The following NRDC variants were observed in gnomAD, a reference collection of about 807,000 sequenced individuals.
NRDC encodes nardilysin convertase, also known as nardilysin.
Under a neutral mutation model 147.1 loss-of-function variants are expected in NRDC, and 54 were observed. The observed-to-expected ratio is 0.37, with a 90% CI of 0.29 to 0.46. The LOEUF (loss-of-function observed/expected upper bound fraction) is 0.46. Ranked by LOEUF, NRDC falls within the 20% of genes least tolerant of loss-of-function variation. The probability of loss-of-function intolerance (pLI) is 1.00; values close to 1 mark genes in which losing one functional copy is unlikely to be tolerated. For synonymous variants in NRDC, 440 were observed against 482.1 expected, an observed-to-expected ratio of 0.91 and a Z score of 1.14; for missense variants, 1,082 against 1,370.6, an observed-to-expected ratio of 0.79 and a Z score of 3.33.
chr1:51,874,510 G>T (rs1306456088), intron 1 of NRDC, among the ~76,000 whole-genome samples: 1 of 152,100 alleles, frequency 6.6e-6, no homozygotes, highest in African/African-American at 2.4e-5. Flanking sequence ...TGGAGAGCCT[G>T]AGGTGGAAGG....
chr1:51,846,116 ATT>A (rs57405511), intron 1 of NRDC, among the ~76,000 whole-genome samples: 3 of 146,596 alleles, frequency 2.0e-5, no homozygotes, highest in African/African-American at 7.5e-5. Flanking sequence ...ACACTTTATA[ATT>A]TTTTTTTTTT....
intron 1 of NRDC, among the ~76,000 whole-genome samples, chr1:51,877,023 C>A (rs1683362506): frequency 6.6e-6 from 1 of 152,036 alleles, no homozygotes; most frequent in African/African-American, 2.4e-5. Context: ...CCCGTCTCCA[C>A]TAAAAATACA....
chr1:51,819,921 T>C, intron 8 of NRDC, 48 bp from the exon 9 acceptor site: 3 of 1,374,906 alleles, frequency 2.2e-6, no homozygotes, highest in Non-Finnish European at 2.1e-6. Flanking sequence ...AAAGCCTTTA[T>C]AAGCAATATC....
chr1:51,830,253 G>A (rs966252655), intron 4 of NRDC, among the ~76,000 whole-genome samples: 1 of 152,108 alleles, frequency 6.6e-6, no homozygotes, highest in Admixed American at 6.5e-5. Flanking sequence ...ATGAGCCACT[G>A]CGTCTGGCCT....
chr1:51,861,151 C>T (rs530810351), intron 1 of NRDC, among the ~76,000 whole-genome samples: 9 of 151,650 alleles, frequency 5.9e-5, no homozygotes, highest in Admixed American at 3.9e-4. Context: ...GGTTTCACCA[C>T]GTTGGCCAGG....
In NRDC at chr1:51,794,464, C is replaced by G; in HGVS notation, c.2775+8G>C. The G allele has an allele frequency of 6.2e-7, 1 of 1,613,948 alleles. No homozygotes were observed. Among genetic ancestry groups the G allele is most frequent in the South Asian group, 1.1e-5 (1 of 91,054 alleles). ...GCCTTCCGCCAGTCTTTAGTACACC[C>G]AACTGACCTGGTAGTACACAGTGAC... On this transcript the variant is annotated splice_region_variant and intron_variant, in intron 24 of 30. Transcript: ENST00000352171.
intron 1 of NRDC, among the ~76,000 whole-genome samples, chr1:51,868,430 A>G (rs913165940): frequency 6.6e-6 from 1 of 152,158 alleles, no homozygotes; most frequent in Non-Finnish European, 1.5e-5. Flanking sequence ...TAAGAACAAA[A>G]TAGAAGGCCT....
chr1:51,878,284 T>C lies in NRDC; in HGVS notation c.332A>G (p.Lys111Arg), dbSNP rs147975834. The C allele has an allele frequency of 1.7e-5, 27 of 1,612,590 alleles. No homozygotes were observed. Among genetic ancestry groups the C allele is most frequent in the African/African-American group, 9.4e-5 (7 of 74,828 alleles). The change falls in exon 1 of 31, where the codon AAG becomes AGG. Residue 111 changes from lysine to arginine, a missense_variant. This residue lies in a region of NRDC where 260 missense variants were observed against 253.2 expected (regional missense o/e 1.03). Transcript: ENST00000352171. ...AAGCCTCCTCCCTCACCGGTATTGC[T>C]TGGGGTCGCTGGGAGACTTGACGAT... ...PEIVKSPSDP[K>R]QYRYIKLQNG...
intron 23 of NRDC, 59 bp from the exon 24 acceptor site, chr1:51,794,669 T>C: frequency 6.2e-7 from 1 of 1,600,138 alleles, no homozygotes; most frequent in Admixed American, 1.7e-5. Flanking sequence ...AGCTAGGCCT[T>C]CTAACTTTTC....
chr1:51,807,946 C>T (rs1238646872), intron 17 of NRDC, among the ~76,000 whole-genome samples: 1 of 152,046 alleles, frequency 6.6e-6, no homozygotes, highest in African/African-American at 2.4e-5. Flanking sequence ...GCTGGGATTA[C>T]AGGCATGCGC....
At chr1:51,795,265 C>T in intron 22 of NRDC, 1 of 1,200,222 alleles carries the variant, frequency 8.3e-7, no homozygotes, top group Non-Finnish European at 1.1e-6. Flanking sequence ...CTCTTCCCTT[C>T]TTAAGAATTC....
chr1:51,824,147 C>T (rs1243717106), intron 6 of NRDC, among the ~76,000 whole-genome samples: 4 of 139,016 alleles, frequency 2.9e-5, no homozygotes, highest in Non-Finnish European at 3.1e-5. Context: ...TTTTTAAAGA[C>T]GGAGTTTCGC....
rs1678819491 is a variant in NRDC at position 51,794,793 on chromosome 1, T to A, written c.2636+30A>T. ...ATGCCCTCTCGCTGGTAAGAACACA[T>A]AACCCCAAAGAGAAAATTCAAATAC... On this transcript the variant is annotated intron_variant, in intron 23 of 30. Coordinates refer to ENST00000352171, the MANE Select transcript of NRDC (RefSeq NM_001101662.2). 4.3e-6 allele frequency: 7 copies of A among 1,613,048 alleles called. No homozygotes were observed. In the East Asian group the frequency reaches 1.3e-4, roughly 31 times the overall value.
Position 51,840,452 on chromosome 1 carries a change from C to T in NRDC, c.404G>A (p.Gly135Asp). The stretch of plus-strand genomic sequence containing the variant: ...ATCATCTGTTGTATTTCCTGTTTTA[C>T]CTTCCATATTACTTAGGTCTGAAAT... ...LLISDLSNMEGKTGNTTDDEE... is the reference protein window; with the variant it reads ...LLISDLSNMEDKTGNTTDDEE... Residue 135 changes from glycine (G) to aspartate (D), a missense_variant, in exon 2 of 31, where the codon GGT becomes GAT. This residue lies in a region of NRDC where 260 missense variants were observed against 253.2 expected (regional missense o/e 1.03). Transcript: ENST00000352171. The T allele has an allele frequency of 6.2e-7, 1 of 1,612,638 alleles. No homozygotes were observed. The highest frequency in any genetic ancestry group is 2.2e-5 in the East Asian group (1 of 44,812).
intron 1 of NRDC, among the ~76,000 whole-genome samples, chr1:51,847,509 C>A (rs1412683783): frequency 6.6e-6 from 1 of 152,232 alleles, no homozygotes; most frequent in South Asian, 2.1e-4. Context: ...GCTGCAGGTC[C>A]CGAGCCCTGC....
chr1:51,834,866 A>C (rs1680876201), intron 3 of NRDC, among the ~76,000 whole-genome samples: 1 of 152,182 alleles, frequency 6.6e-6, no homozygotes, highest in Non-Finnish European at 1.5e-5. Context: ...TAATCTCTTC[A>C]ATTAAATTTA....
In NRDC at chr1:51,821,548, C is replaced by T. The variant is rs756772662; in HGVS notation, c.1167G>A (p.Leu389=). 8.1e-6 allele frequency: 13 copies of T among 1,607,172 alleles called. No individual in the cohort carries two copies. In the South Asian group the frequency reaches 8.8e-5, roughly 11 times the overall value. ...CAGTCACCCACTTTTCCAAAGTATC[C>T]AGTGTTTCTTGAGAGGGGAGGGCAG... is the stretch of plus-strand genomic sequence containing the variant. ...MTLVVQSKET[L]DTLEKWVTEI... The change falls in exon 8 of 31, where the codon CTG becomes CTA. Residue 389 remains leucine (L), a synonymous_variant. Transcript: ENST00000352171.
chr1:51,866,295 T>C (rs1036910794), intron 1 of NRDC, among the ~76,000 whole-genome samples: 2 of 152,154 alleles, frequency 1.3e-5, no homozygotes, highest in Non-Finnish European at 2.9e-5. Flanking sequence ...AAGCAGGAAC[T>C]CTCATGTTCT....
intron 1 of NRDC, among the ~76,000 whole-genome samples, chr1:51,844,791 GGGA>G (rs1372771490): frequency 1.2e-3 from 113 of 96,378 alleles, no homozygotes; most frequent in Non-Finnish European, 1.4e-3. Flanking sequence ...AGGGGGGAAG[GGGA>G]GGAGGGGGGA....
Sources: gnomAD v4.1 joint callset for allele counts (sites outside exome capture counted in the v4.1 genomes callset) on GRCh38, gnomAD v4.1.1 for gene constraint, gnomAD v4.1.1 regional missense constraint, MANE v1.5 for transcripts, NCBI Gene and HGNC (gene_info 2026-07-23, HGNC 2026-07-21) for gene names.